Variants in ZNF831 observed in about 807,000 individuals in gnomAD.
ZNF831 encodes zinc finger protein 831, also known as chromosome 20 open reading frame 174.
Under a neutral mutation model 95.8 loss-of-function variants are expected in ZNF831, and 59 were observed. That is an observed-to-expected ratio of 0.62 (90% CI 0.50 to 0.77). The LOEUF (loss-of-function observed/expected upper bound fraction) is 0.77. Among genes scored for constraint, ZNF831 ranks in the 30% least tolerant of loss-of-function variants. ZNF831 has a pLI of 0.00. For synonymous variants in ZNF831, 961 were observed against 925.5 expected, an observed-to-expected ratio of 1.04 and a Z score of -0.70; for missense variants, 2,205 against 2,164.0, an observed-to-expected ratio of 1.02 and a Z score of -0.38.
chr20:59,158,224 G>A (rs771925582), intron 2 of ZNF831, among the ~76,000 whole-genome samples: 2 of 152,198 alleles, frequency 1.3e-5, no homozygotes, highest in Non-Finnish European at 1.5e-5. Flanking sequence ...CGATTACTCC[G>A]GGGGAGCATT....
At chr20:59,205,161 AC>A in intron 3 of ZNF831, among the ~76,000 whole-genome samples, 1 of 152,278 alleles carries the variant, frequency 6.6e-6, no homozygotes, top group East Asian at 1.9e-4. Flanking sequence ...TGTGGCAGCC[AC>A]CCACTGACTT....
chr20:59,219,425 G>T (rs1001388190), intron 4 of ZNF831, among the ~76,000 whole-genome samples: 3 of 152,206 alleles, frequency 2.0e-5, no homozygotes, highest in South Asian at 2.1e-4. Context: ...GTGGCAAGGG[G>T]AGCCGGCACA....
intron 4 of ZNF831, among the ~76,000 whole-genome samples, chr20:59,231,994 A>AT (rs1246793643): frequency 6.6e-6 from 1 of 152,150 alleles, no homozygotes; most frequent in Non-Finnish European, 1.5e-5. Flanking sequence ...ATTTGTATAT[A>AT]TTTTGCTGTT....
intron 4 of ZNF831, among the ~76,000 whole-genome samples, chr20:59,222,100 C>T (rs1435224039): frequency 6.6e-6 from 1 of 152,240 alleles, no homozygotes; most frequent in African/African-American, 2.4e-5. Context: ...CTCCTGTCTC[C>T]CAGCTTATCA....
At chr20:59,168,455 G>GTTTTT (rs71183161) in intron 1 of ZNF831, among the ~76,000 whole-genome samples, 24 of 113,840 alleles carry the variant, frequency 2.1e-4, no homozygotes, top group South Asian at 5.9e-4. Flanking sequence ...GTGCGAGGAG[G>GTTTTT]TTTTTTTTTT....
In ZNF831 at chr20:59,193,736, T is replaced by C. The variant is rs2146588459; in HGVS notation, c.2717T>C (p.Leu906Pro). 1 of 1,610,702 alleles carries C rather than the reference T, an allele frequency of 6.2e-7. No homozygotes were observed. Among genetic ancestry groups the C allele is most frequent in the South Asian group, 1.1e-5 (1 of 90,678 alleles). ...RVGPRDKATP[L>P]HPAAPAPAEH... ...GGGCCAAGGGACAAGGCTACCCCAC[T>C]GCATCCTGCAGCCCCAGCCCCCGCA... is the stretch of plus-strand genomic sequence containing the variant. Residue 906 changes from leucine (L) to proline (P), a missense_variant, in exon 2 of 6, where the codon CTG (leucine) becomes CCG (proline). By Grantham distance (98) the Leu-to-Pro change is moderately conservative (BLOSUM62 -3). Transcript: ENST00000371030.
chr20:59,140,358 T>C (rs1302260591), intron 1 of ZNF831, among the ~76,000 whole-genome samples: 1 of 152,178 alleles, frequency 6.6e-6, no homozygotes. Flanking sequence ...AGCAAATCCA[T>C]TGGGTGCCTA....
chr20:59,180,386 A>T (rs1601343553), intron 1 of ZNF831, among the ~76,000 whole-genome samples: 1 of 152,132 alleles, frequency 6.6e-6, no homozygotes, highest in East Asian at 1.9e-4. Context: ...AAGTTCTGGG[A>T]TACATGTGCA....
At chr20:59,131,204 CT>C (rs1245383336) in intron 1 of ZNF831, among the ~76,000 whole-genome samples, 4 of 152,206 alleles carry the variant, frequency 2.6e-5, no homozygotes, top group Non-Finnish European at 5.9e-5. Flanking sequence ...CTGCCCCTTC[CT>C]TTCATATGTT....
chr20:59,222,405 C>T (rs1268204143), intron 4 of ZNF831, among the ~76,000 whole-genome samples: 1 of 152,094 alleles, frequency 6.6e-6, no homozygotes, highest in Non-Finnish European at 1.5e-5. Flanking sequence ...TCTGGAAGAA[C>T]ACAAAGCCCG....
intron 3 of ZNF831, among the ~76,000 whole-genome samples, chr20:59,196,615 C>T (rs924718330): frequency 6.6e-6 from 1 of 152,224 alleles, no homozygotes; most frequent in Middle Eastern, 3.4e-3. Flanking sequence ...TTCTCTAACC[C>T]CTGCCCTCTT....
At chr20:59,141,511 C>T (rs1334197265) in intron 1 of ZNF831, among the ~76,000 whole-genome samples, 1 of 152,202 alleles carries the variant, frequency 6.6e-6, no homozygotes, top group Non-Finnish European at 1.5e-5. Flanking sequence ...GCACCTTTGT[C>T]AAAATCAGTC....
At chr20:59,209,330 T>C (rs542338123) in intron 4 of ZNF831, among the ~76,000 whole-genome samples, 1 of 152,324 alleles carries the variant, frequency 6.6e-6, no homozygotes, top group South Asian at 2.1e-4. Context: ...GTTTTCTTGT[T>C]GTTCAGCAGA....
At chr20:59,198,973 C>T (rs188539502) in intron 3 of ZNF831, among the ~76,000 whole-genome samples, 3 of 152,240 alleles carry the variant, frequency 2.0e-5, no homozygotes, top group East Asian at 1.9e-4. Flanking sequence ...GGAGGTATTA[C>T]TCTGCCTACC....
At chr20:59,174,835 C>CT (rs1323148052) in intron 1 of ZNF831, among the ~76,000 whole-genome samples, 2 of 152,128 alleles carry the variant, frequency 1.3e-5, no homozygotes, top group African/African-American at 2.4e-5. Context: ...TTCCATTGTT[C>CT]TTTTTTCCTT....
chr20:59,175,776 T>A (rs932442798), intron 1 of ZNF831, among the ~76,000 whole-genome samples: 4 of 152,202 alleles, frequency 2.6e-5, no homozygotes, highest in African/African-American at 7.2e-5. Context: ...TTCCTTTCAG[T>A]TTGAGGTCTT....
At chr20:59,227,571 G>A (rs919394618) in intron 4 of ZNF831, among the ~76,000 whole-genome samples, 2 of 152,184 alleles carry the variant, frequency 1.3e-5, no homozygotes, top group Non-Finnish European at 2.9e-5. Context: ...ATATTTGGGA[G>A]CAACTCTATC....
chr20:59,177,184 T>A (rs1982234492), intron 1 of ZNF831, among the ~76,000 whole-genome samples: 1 of 152,204 alleles, frequency 6.6e-6, no homozygotes, highest in Non-Finnish European at 1.5e-5. Flanking sequence ...GTCACAGCAG[T>A]AATCAAGACA....
At chr20:59,253,437 GC>G (rs1028301560) in intron 5 of ZNF831, among the ~76,000 whole-genome samples, 1 of 151,856 alleles carries the variant, frequency 6.6e-6, no homozygotes, top group Non-Finnish European at 1.5e-5. Flanking sequence ...GCAACATGAA[GC>G]CCCCCCAGAC....
Sources: allele counts gnomAD v4.1 joint callset (sites outside exome capture counted in the v4.1 genomes callset), GRCh38; gene constraint gnomAD v4.1.1; transcripts MANE v1.5; gene names NCBI Gene and HGNC (gene_info 2026-07-23, HGNC 2026-07-21).